TMEM132D: variants seen among roughly 807,000 people sequenced by gnomAD.
TMEM132D encodes mature OL transmembrane protein.
A neutral mutation model predicts 62.3 loss-of-function variants in TMEM132D; 21 were observed. That is an observed-to-expected ratio of 0.34 (90% CI 0.24 to 0.49). TMEM132D has a LOEUF of 0.49. Among genes scored for constraint, TMEM132D ranks in the 20% least tolerant of loss-of-function variants. The pLI is 0.99. For missense variants in TMEM132D, 1,346 were observed against 1,402.8 expected, an observed-to-expected ratio of 0.96 and a Z score of 0.65; for synonymous variants, 621 against 575.6, an observed-to-expected ratio of 1.08 and a Z score of -1.13.
At chr12:129,391,460 CA>C (rs1334341973) in intron 3 of TMEM132D, among the ~76,000 whole-genome samples, 1 of 152,130 alleles carries the variant, frequency 6.6e-6, no homozygotes, top group Non-Finnish European at 1.5e-5. Context: ...TGGCAATCTT[CA>C]GATTTAGGCC....
intron 1 of TMEM132D, among the ~76,000 whole-genome samples, chr12:129,889,513 C>T (rs989092523): frequency 2.2e-4 from 33 of 152,186 alleles, no homozygotes; most frequent in African/African-American, 7.7e-4. Flanking sequence ...GCCAACCTGG[C>T]CTAACTAATG....
intron 3 of TMEM132D, among the ~76,000 whole-genome samples, chr12:129,420,669 GC>G (rs945376386): frequency 7.2e-5 from 11 of 152,096 alleles, no homozygotes; most frequent in African/African-American, 2.4e-4. Context: ...CCCAACCAAC[GC>G]TCAGCAAGCT....
intron 1 of TMEM132D, among the ~76,000 whole-genome samples, chr12:129,716,355 G>A (rs1868572910): frequency 6.6e-6 from 1 of 152,224 alleles, no homozygotes; most frequent in African/African-American, 2.4e-5. Context: ...GTTCCCATCA[G>A]CAAACAGCCT....
At chr12:129,735,909 T>C (rs1313486632) in intron 1 of TMEM132D, among the ~76,000 whole-genome samples, 2 of 152,162 alleles carry the variant, frequency 1.3e-5, no homozygotes, top group East Asian at 3.9e-4. Context: ...AAGGTGGAGA[T>C]GGCTGAAGCA....
intron 5 of TMEM132D, among the ~76,000 whole-genome samples, chr12:129,186,968 C>T (rs930907962): frequency 1.1e-4 from 16 of 152,150 alleles, no homozygotes; most frequent in African/African-American, 3.6e-4. Context: ...TAACATAATG[C>T]ATATTGAACA....
intron 1 of TMEM132D, among the ~76,000 whole-genome samples, chr12:129,899,855 C>G (rs1875293523): frequency 7.7e-6 from 1 of 130,428 alleles, no homozygotes; most frequent in Admixed American, 7.8e-5. Flanking sequence ...TGAATGTAAG[C>G]AAAAAGCCAC....
intron 3 of TMEM132D, among the ~76,000 whole-genome samples, chr12:129,467,063 C>T (rs918399874): frequency 2.0e-5 from 3 of 152,062 alleles, no homozygotes; most frequent in Non-Finnish European, 4.4e-5. Flanking sequence ...TAAAAATATA[C>T]GTCAAATGAA....
intron 3 of TMEM132D, among the ~76,000 whole-genome samples, chr12:129,514,619 G>T (rs868570171): frequency 2.0e-5 from 3 of 152,146 alleles, no homozygotes; most frequent in African/African-American, 7.2e-5. Flanking sequence ...CATTCATCCC[G>T]AACATTCATC....
At chr12:129,306,310 G>A (rs1881845323) in intron 4 of TMEM132D, among the ~76,000 whole-genome samples, 1 of 152,150 alleles carries the variant, frequency 6.6e-6, no homozygotes, top group Admixed American at 6.5e-5. Flanking sequence ...AAGAAATCAA[G>A]TAACTTCTTC....
At chr12:129,138,730 G>C (rs1242586376) in intron 5 of TMEM132D, among the ~76,000 whole-genome samples, 1 of 152,170 alleles carries the variant, frequency 6.6e-6, no homozygotes, top group Non-Finnish European at 1.5e-5. Context: ...TAGAAAGAAA[G>C]CTGGCTAGAA....
At chr12:129,258,650 T>C (rs1880472637) in intron 4 of TMEM132D, among the ~76,000 whole-genome samples, 1 of 152,228 alleles carries the variant, frequency 6.6e-6, no homozygotes, top group Non-Finnish European at 1.5e-5. Context: ...ACGTAATATG[T>C]GTGGCTGGCT....
chr12:129,300,433 T>C (rs942724233), intron 4 of TMEM132D, among the ~76,000 whole-genome samples: 6 of 152,170 alleles, frequency 3.9e-5, no homozygotes, highest in Non-Finnish European at 1.5e-5. Context: ...CCACCTAACT[T>C]AGGAGTCCAC....
intron 2 of TMEM132D, among the ~76,000 whole-genome samples, chr12:129,563,018 C>G (rs555242606): frequency 6.6e-6 from 1 of 152,168 alleles, no homozygotes; most frequent in Non-Finnish European, 1.5e-5. Context: ...AAACAGCAAG[C>G]GCCTTTATCT....
intron 3 of TMEM132D, among the ~76,000 whole-genome samples, chr12:129,347,441 A>G (rs543244399): frequency 3.3e-5 from 5 of 152,338 alleles, no homozygotes; most frequent in Non-Finnish European, 7.4e-5. Flanking sequence ...CACACCTGAC[A>G]AAAACAAGCA....
intron 3 of TMEM132D, among the ~76,000 whole-genome samples, chr12:129,345,658 A>G (rs906934664): frequency 6.6e-5 from 10 of 152,140 alleles, no homozygotes; most frequent in African/African-American, 2.4e-4. Context: ...CAGGATAAAA[A>G]CCTGCAGCAG....
chr12:129,807,763 G>A (rs533349982), intron 1 of TMEM132D, among the ~76,000 whole-genome samples: 2 of 152,296 alleles, frequency 1.3e-5, no homozygotes, highest in South Asian at 4.1e-4. Context: ...CCATTTGGTT[G>A]AAGTCCAACT....
intron 1 of TMEM132D, among the ~76,000 whole-genome samples, chr12:129,762,300 A>G (rs59588445): frequency 0.013 from 1,922 of 152,126 alleles, 39 homozygotes; most frequent in African/African-American, 0.043. Flanking sequence ...CCTAGTCCCA[A>G]TGGGAACATG....
At chr12:129,176,951 G>T (rs1877923412) in intron 5 of TMEM132D, among the ~76,000 whole-genome samples, 1 of 152,226 alleles carries the variant, frequency 6.6e-6, no homozygotes, top group African/African-American at 2.4e-5. Context: ...GAAGGGAAAT[G>T]CAAACACAGC....
intron 4 of TMEM132D, among the ~76,000 whole-genome samples, chr12:129,215,807 C>T (rs185213605): frequency 3.0e-4 from 45 of 151,910 alleles, no homozygotes; most frequent in Non-Finnish European, 6.0e-4. Flanking sequence ...ACAGTCATGG[C>T]GGAAGGTGAG....
Sources: allele counts gnomAD v4.1 joint callset (sites outside exome capture counted in the v4.1 genomes callset), GRCh38; gene constraint gnomAD v4.1.1; transcripts MANE v1.5; gene names NCBI Gene and HGNC (gene_info 2026-07-23, HGNC 2026-07-21).